Variants in HINT2 observed in about 807,000 individuals in gnomAD.
The protein encoded by HINT2 is adenosine 5'-monophosphoramidase HINT2.
Under a neutral mutation model 20.0 loss-of-function variants are expected in HINT2, and 17 were observed. The observed-to-expected ratio is 0.85, with a 90% confidence interval of 0.58 to 1.27. The LOEUF is 1.27. Among genes scored for constraint, HINT2 ranks in the 50% most tolerant of loss-of-function variants. The pLI, the probability that HINT2 is intolerant of heterozygous loss-of-function variation, is 0.00. For missense variants in HINT2, 217 were observed against 211.9 expected, an observed-to-expected ratio of 1.02 and a Z score of -0.15; for synonymous variants, 96 against 84.2, an observed-to-expected ratio of 1.14 and a Z score of -0.77.
rs542210432 is a variant in HINT2 at position 35,814,707 on chromosome 9, C to T, written c.81+192G>A. The T allele has an allele frequency of 2.4e-5, 13 of 538,380 alleles. No homozygotes were observed. In the South Asian group the frequency reaches 2.7e-4, roughly 11 times the overall value. 33.4% of individuals were successfully genotyped at this position (538,380 alleles called of 1,614,324 possible). Reference sequence around the variant, plus strand: ...CCTCGGCGCCCCGGCCTGCGCAGGGCGGGAATCAGCACCAGCTCGTTCTCC... The same window carrying T: ...CCTCGGCGCCCCGGCCTGCGCAGGGTGGGAATCAGCACCAGCTCGTTCTCC... On this transcript the variant is annotated intron_variant, in intron 1 of 4. Coordinates refer to ENST00000259667, the MANE Select transcript of HINT2 (RefSeq NM_032593.3).
At chr9:35,813,187 A>G (rs1221749278) in intron 4 of HINT2, 42 bp from the exon 5 acceptor site, 1 of 1,612,484 alleles carries the variant, frequency 6.2e-7, no homozygotes, top group Admixed American at 1.7e-5. Context: ...ATCATGGCAG[A>G]GGTCGAAGAA....
intron 1 of HINT2, 80 bp from the exon 2 acceptor site, chr9:35,813,864 T>A (rs191717643): frequency 6.8e-7 from 1 of 1,470,126 alleles, no homozygotes. Context: ...GTCCTTCTAA[T>A]AACCTATTCA....
intron 3 of HINT2, 40 bp from the exon 4 acceptor site, chr9:35,813,378 A>T: frequency 6.2e-7 from 1 of 1,610,026 alleles, no homozygotes; most frequent in Non-Finnish European, 8.5e-7. Flanking sequence ...CTTCATTCAT[A>T]GGGAGCAAGA....
Position 35,814,930 on chromosome 9 carries a change from G to A in HINT2, c.50C>T (p.Ala17Val). 6.7e-7 allele frequency: 1 copy of A among 1,486,740 alleles called. No individual in the cohort carries two copies. The highest frequency in any genetic ancestry group is 8.9e-7 in the Non-Finnish European group (1 of 1,126,014). 92.1% of individuals were successfully genotyped at this position (1,486,740 alleles called of 1,614,324 possible). A position where few individuals can be genotyped will look rare whatever the true frequency, so the allele number is the denominator to read the frequency against. The change falls in exon 1 of 5, where the codon GCC becomes GTC. Residue 17 changes from alanine to valine, a missense_variant. Ala to Val is a moderately conservative substitution (Grantham distance 64, BLOSUM62 0). Coordinates refer to ENST00000259667, the MANE Select transcript of HINT2 (RefSeq NM_032593.3). ...CCCGCGCACCCCCGTGGCCGCCACGGCTCTGCGCGCCGCGCGCAACCCAGC... is the reference window on the plus strand; with the variant it reads ...CCCGCGCACCCCCGTGGCCGCCACGACTCTGCGCGCCGCGCGCAACCCAGC... Reference protein sequence around the residue: ...LAAGLRAARRAVAATGVRGGQ... With the variant: ...LAAGLRAARRVVAATGVRGGQ...
Position 35,814,981 on chromosome 9 carries a change from T to C in HINT2, c.-2A>G. 2 of 1,462,502 alleles carry C rather than the reference T, an allele frequency of 1.4e-6. No individual in the cohort carries two copies. The highest frequency in any genetic ancestry group is 4.5e-4 in the Middle Eastern group (2 of 4,470). The allele number at this position is 1,462,502 out of a possible 1,614,324, so 90.6% of individuals were successfully genotyped here. On this transcript the variant is annotated 5_prime_UTR_variant, in exon 1 of 5. Transcript: ENST00000259667. ...AGCCAGCACCACGGCTGCCGCCATCTTCCCTGAGCCGCGGGAACCTCTCAC... is the reference window on the plus strand; with the variant it reads ...AGCCAGCACCACGGCTGCCGCCATCCTCCCTGAGCCGCGGGAACCTCTCAC...
At chr9:35,815,110 G>A (rs1828989133), upstream of HINT2, 3 of 828,312 alleles carry the variant, frequency 3.6e-6, no homozygotes, top group Non-Finnish European at 5.1e-6. Flanking sequence ...ATTGGAGCGC[G>A]CCTCTGAGCA....
intron 4 of HINT2, 23 bp from the exon 5 acceptor site, chr9:35,813,168 G>A: frequency 6.2e-7 from 1 of 1,613,692 alleles, no homozygotes; most frequent in South Asian, 1.1e-5. Context: ...TTGGGGTTAG[G>A]GAGTCAGGAT....
At chr9:35,814,858 A>G (rs1162143250) in intron 1 of HINT2, 41 bp downstream of exon 1, 1 of 1,458,710 alleles carries the variant, frequency 6.9e-7, no homozygotes. Flanking sequence ...ATGGCTTCGG[A>G]GCCCGCAGGA....
Position 35,814,642 on chromosome 9 carries a change from T to C in HINT2, c.81+257A>G, listed in dbSNP as rs369321634. Reference sequence around the variant, plus strand: ...ATCGGGCCAGCTGGGCTGCAGGCAGTGGAAAGAAGGCGGCAGCCGCTGCAC... The same window carrying C: ...ATCGGGCCAGCTGGGCTGCAGGCAGCGGAAAGAAGGCGGCAGCCGCTGCAC... On this transcript the variant is annotated intron_variant, in intron 1 of 4. Transcript: ENST00000259667. The C allele has an allele frequency of 1.5e-5, 7 of 453,252 alleles. No homozygotes were observed. In the South Asian group the frequency reaches 2.6e-4, roughly 17 times the overall value. The allele number at this position is 453,252 out of a possible 1,614,324, so 28.1% of individuals were successfully genotyped here.
chr9:35,815,044 G>T, upstream of HINT2: 1 of 1,318,050 alleles, frequency 7.6e-7, no homozygotes, highest in South Asian at 1.8e-5. Context: ...GCCGTGGGTG[G>T]GGACTCCGGG....
chr9:35,815,046 G>T, upstream of HINT2: 13 of 1,312,656 alleles, frequency 9.9e-6, no homozygotes, highest in Non-Finnish European at 1.3e-5. Flanking sequence ...CGTGGGTGGG[G>T]ACTCCGGGCG....
At chr9:35,813,215 A>C in intron 4 of HINT2, 51 bp downstream of exon 4, 1 of 1,611,982 alleles carries the variant, frequency 6.2e-7, no homozygotes, top group Non-Finnish European at 8.5e-7. Context: ...CATATTGAGA[A>C]GTAGGAATGA....
upstream of HINT2, chr9:35,815,328 G>A (rs1588086467): frequency 9.1e-6 from 2 of 219,384 alleles, no homozygotes; most frequent in East Asian, 1.9e-4. Flanking sequence ...CCTGGAGGTG[G>A]GATTTTCTCC....
chr9:35,814,781 G>T (rs1396265038), intron 1 of HINT2, 118 bp downstream of exon 1: 2 of 857,432 alleles, frequency 2.3e-6, no homozygotes, highest in Non-Finnish European at 3.3e-6. Flanking sequence ...TTGTGCCTCG[G>T]AGGGGCAGAG....
chr9:35,815,047 A>T (rs1212120967), upstream of HINT2: 6 of 1,311,842 alleles, frequency 4.6e-6, no homozygotes, highest in African/African-American at 1.6e-5. Context: ...GTGGGTGGGG[A>T]CTCCGGGCGC....
rs1828892776 is a variant in HINT2, at chr9:35,813,132, C to T, written c.414G>A (p.Gly138=). 6.2e-7 allele frequency: 1 copy of T among 1,614,072 alleles called. No individual in the cohort carries two copies. Among genetic ancestry groups the T allele is most frequent in the Admixed American group, 1.7e-5 (1 of 60,010 alleles). Residue 138 remains glycine (G), a synonymous_variant, in exon 5 of 5, where the codon GGG becomes GGA. Coordinates refer to ENST00000259667, the MANE Select transcript of HINT2 (RefSeq NM_032593.3). ...GATACACAGATTGTGCACCCAGCTTCCCATCGTTGATCACTGAAATTGAGC... is the reference window on the plus strand; with the variant it reads ...GATACACAGATTGTGCACCCAGCTTTCCATCGTTGATCACTGAAATTGAGC... The part of the protein sequence containing the change: ...GDGYRLVIND[G]KLGAQSVYHL...
At chr9:35,814,804 A>AGCTCTGCGCG in intron 1 of HINT2, 95 bp downstream of exon 1, 1 of 1,090,902 alleles carries the variant, frequency 9.2e-7, no homozygotes, top group Non-Finnish European at 1.2e-6. Context: ...CACAGGCAGG[A>AGCTCTGCGCG]GCTCTGCGCG....
At chr9:35,813,229 T>C in intron 4 of HINT2, 37 bp downstream of exon 4, 1 of 1,613,302 alleles carries the variant, frequency 6.2e-7, no homozygotes, top group South Asian at 1.1e-5. Context: ...GGAATGAGAA[T>C]TCATAGGTGA....
At position 35,815,014 on chromosome 9, in the gene HINT2, A is replaced by T. The variant is rs1225644118; in HGVS notation, c.-35T>A. ...GCCGCGGGAACCTCTCACCCGGGTC[A>T]GCACTCGGCTCCGCGGCCGGCCGTG... is the stretch of plus-strand genomic sequence containing the variant. On this transcript the variant is annotated 5_prime_UTR_variant, in exon 1 of 5. Coordinates refer to ENST00000259667, the MANE Select transcript of HINT2 (RefSeq NM_032593.3). 13 of 1,391,524 alleles carry T rather than the reference A, an allele frequency of 9.3e-6. No homozygotes were observed. Among genetic ancestry groups the T allele is most frequent in the Non-Finnish European group, 1.2e-5 (13 of 1,078,872 alleles). 86.2% of individuals were successfully genotyped at this position (1,391,524 alleles called of 1,614,324 possible). A position where few individuals can be genotyped will look rare whatever the true frequency, so the allele number is the denominator to read the frequency against.
Sources: gnomAD v4.1 joint callset for allele counts on GRCh38, gnomAD v4.1.1 for gene constraint, MANE v1.5 for transcripts, NCBI Gene and HGNC (gene_info 2026-07-23, HGNC 2026-07-21) for gene names.